The following GAK variants were observed in gnomAD, a reference collection of about 807,000 sequenced individuals.
GAK encodes cyclin G associated kinase, also known as cyclin-G-associated kinase.
In GAK, 79 loss-of-function variants were observed where a neutral mutation model predicts 143.9. The ratio of observed to expected loss-of-function variants is 0.55; its 90% CI spans 0.46 to 0.66. The LOEUF is 0.66. GAK is among the 30% of genes least tolerant of loss of function. The pLI is 0.00. For missense variants in GAK, 1,693 were observed against 1,779.7 expected (o/e 0.95, Z 0.88); for synonymous variants, 881 against 765.5 (o/e 1.15, Z -2.49).
intron 19 of GAK, 52 bp from the exon 20 acceptor site, chr4:868,737 G>C: frequency 6.6e-7 from 1 of 1,524,658 alleles, no homozygotes. Context: ...CAGCCTCGGG[G>C]CAACACTGAC....
chr4:894,099 C>G, intron 7 of GAK, 90 bp from the exon 8 acceptor site: 1 of 1,384,682 alleles, frequency 7.2e-7, no homozygotes, highest in Non-Finnish European at 9.5e-7. Context: ...GATGCCCAGG[C>G]CCACGGGGAA....
chr4:867,487 G>A, intron 20 of GAK, 55 bp from the exon 21 acceptor site: 1 of 1,351,934 alleles, frequency 7.4e-7, no homozygotes, highest in East Asian at 2.5e-5. Flanking sequence ...CAGCACCAGG[G>A]TCCCCACGGC....
At chr4:911,501 G>A (rs779135893) in intron 4 of GAK, among the ~76,000 whole-genome samples, 172 bp downstream of exon 4, 1 of 152,200 alleles carries the variant, frequency 6.6e-6, no homozygotes, top group Non-Finnish European at 1.5e-5. Flanking sequence ...GGGCGTCAGC[G>A]TGGGCCTCTC....
intron 1 of GAK, among the ~76,000 whole-genome samples, chr4:916,472 C>G (rs1723107010): frequency 6.6e-6 from 1 of 152,176 alleles, no homozygotes; most frequent in South Asian, 2.1e-4. Flanking sequence ...CCAGGCGGGT[C>G]TAGCCTCCCA....
At chr4:913,775 C>G in intron 1 of GAK, 107 bp from the exon 2 acceptor site, 1 of 966,800 alleles carries the variant, frequency 1.0e-6, no homozygotes, top group East Asian at 2.5e-5. Flanking sequence ...GTGGCGTGGC[C>G]AGCAGTTTTC....
At chr4:911,605 G>T in intron 4 of GAK, 68 bp downstream of exon 4, 1 of 1,050,508 alleles carries the variant, frequency 9.5e-7, no homozygotes, top group Non-Finnish European at 1.5e-6. Flanking sequence ...CATGCAGCTG[G>T]GTTAGGAGGC....
intron 1 of GAK, among the ~76,000 whole-genome samples, chr4:914,748 A>C (rs2152949351): frequency 1.1e-5 from 1 of 89,498 alleles, no homozygotes; most frequent in Non-Finnish European, 2.1e-5. Flanking sequence ...GCAAGGCCCC[A>C]CACACAGCCC....
intron 25 of GAK, chr4:851,413 G>A (rs1403752756): frequency 8.2e-6 from 4 of 487,718 alleles, no homozygotes; most frequent in Non-Finnish European, 1.5e-5. Flanking sequence ...GAAACTTTCT[G>A]CAGAGACACA....
At chr4:867,459 CT>C (rs1751414274) in intron 20 of GAK, 27 bp from the exon 21 acceptor site, 1 of 1,490,092 alleles carries the variant, frequency 6.7e-7, no homozygotes, top group African/African-American at 1.4e-5. Flanking sequence ...AAACCACAGG[CT>C]AGTGAGACCA....
At chr4:887,535 G>GTA (rs1467920161) in intron 11 of GAK, 4 of 145,366 alleles carry the variant, frequency 2.8e-5, no homozygotes, top group Admixed American at 2.7e-4. Context: ...GCATGCGTGT[G>GTA]TACACATGCA....
At chr4:883,162 C>T (rs1472783364) in intron 13 of GAK, among the ~76,000 whole-genome samples, 153 bp downstream of exon 13, 5 of 152,218 alleles carry the variant, frequency 3.3e-5, no homozygotes, top group East Asian at 1.9e-4. Flanking sequence ...GACCCCACCT[C>T]GCCCCCTCCT....
At chr4:901,307 A>G (rs1405472263) in intron 5 of GAK, among the ~76,000 whole-genome samples, 1 of 152,080 alleles carries the variant, frequency 6.6e-6, no homozygotes, top group Non-Finnish European at 1.5e-5. Context: ...CACCCAGGGC[A>G]CACGGGGAGA....
chr4:882,827 G>C lies in GAK; in HGVS notation c.1405-8C>G, dbSNP rs754734896. On this transcript the variant is annotated splice_region_variant and splice_polypyrimidine_tract_variant and intron_variant, in intron 13 of 27. Transcript: ENST00000314167. Reference sequence around the variant, plus strand: ...CCAGCCACACTCGGAGACCTGTGGGGACAGGGCACGGTGGCACGGACGGCA... The same window carrying C: ...CCAGCCACACTCGGAGACCTGTGGGCACAGGGCACGGTGGCACGGACGGCA... The C allele has an allele frequency of 1.9e-6, 3 of 1,608,088 alleles. No individual in the cohort carries two copies. Among genetic ancestry groups the C allele is most frequent in the Non-Finnish European group, 1.7e-6 (2 of 1,179,608 alleles).
At chr4:852,395 T>C (rs919586239) in intron 24 of GAK, 5 of 222,324 alleles carry the variant, frequency 2.2e-5, no homozygotes, top group Non-Finnish European at 4.5e-5. Flanking sequence ...CCACCATCTG[T>C]CACGTGGCCA....
rs771941173 is a variant in GAK, at chr4:898,062, C to T, written c.622G>A (p.Ala208Thr). The T allele has an allele frequency of 6.2e-6, 10 of 1,613,918 alleles. No homozygotes were observed. Among genetic ancestry groups the T allele is most frequent in the South Asian group, 3.3e-5 (3 of 91,040 alleles). Residue 208 changes from alanine (A) to threonine (T), a missense_variant, in exon 6 of 28, where the codon GCC becomes ACC. Physicochemically the swap from Ala to Thr is moderately conservative, Grantham distance 58. This residue lies in a region of GAK where 871 missense variants were observed against 991.0 expected (regional missense o/e 0.88). Transcript: ENST00000314167. ...ISHYPDYSWS[A>T]QRRALVEEEI... ...TCCTCCACCAGGGCTCGCCTCTGGG[C>T]GCTCCAGCTGTAGTCAGGGTAGTGC...
intron 4 of GAK, among the ~76,000 whole-genome samples, chr4:906,857 TCCTCCCTG>T (rs1577261642): frequency 6.6e-6 from 1 of 151,952 alleles, no homozygotes; most frequent in Admixed American, 6.5e-5. Context: ...TGGCCTCCCT[TCCTCCCTG>T]CCTCAGGACC....
chr4:896,396 G>T (rs1052470858), intron 7 of GAK, 64 bp downstream of exon 7: 2 of 1,320,974 alleles, frequency 1.5e-6, no homozygotes, highest in Non-Finnish European at 2.1e-6. Flanking sequence ...CCCGGCCCAC[G>T]CCGCCTCAGG....
rs1330462285 is a variant in GAK, at chr4:867,409, C to T, written c.2419G>A (p.Ala807Thr). The T allele has an allele frequency of 6.5e-7, 1 of 1,536,904 alleles. No individual in the cohort carries two copies. The highest frequency in any genetic ancestry group is 1.7e-4 in the Middle Eastern group (1 of 5,728). Residue 807 changes from alanine to threonine, a missense_variant, in exon 21 of 28, where the codon GCA becomes ACA. Around this residue, in one of 2 missense-constraint regions of GAK, gnomAD observed 822 missense variants for 788.7 expected, o/e 1.04. Transcript: ENST00000314167. ...CTCTCCTTGGAAGAGGCATTTTCTG[C>T]ACCAGTCTCTGCCTCCTTCTCTTCT... ...WQEEKEAETGAENASSKESES... is the reference protein window; with the variant it reads ...WQEEKEAETGTENASSKESES...
At chr4:851,641 C>T (rs1748157678) in intron 25 of GAK, 109 bp downstream of exon 25, 2 of 1,182,292 alleles carry the variant, frequency 1.7e-6, no homozygotes, top group Non-Finnish European at 2.5e-6. Context: ...CTTGGCCGTG[C>T]CTGTCCCAGG....
Sources: allele counts gnomAD v4.1 joint callset (sites outside exome capture counted in the v4.1 genomes callset), GRCh38; gene constraint gnomAD v4.1.1; regional missense constraint gnomAD v4.1.1; transcripts MANE v1.5; gene names NCBI Gene and HGNC (gene_info 2026-07-23, HGNC 2026-07-21).